THRAP3: variants seen among roughly 807,000 people sequenced by gnomAD.
THRAP3 encodes thyroid hormone receptor-associated protein 3.
A neutral mutation model predicts 101.0 loss-of-function variants in THRAP3; 16 were observed. That is an observed-to-expected ratio of 0.16 (90% CI 0.11 to 0.24). The LOEUF (loss-of-function observed/expected upper bound fraction) is 0.24. Ranked by LOEUF, THRAP3 falls within the 10% of genes least tolerant of loss-of-function variation. The probability of loss-of-function intolerance (pLI) is 1.00; values close to 1 mark genes in which losing one functional copy is unlikely to be tolerated. For synonymous variants in THRAP3, 407 were observed against 422.6 expected, an observed-to-expected ratio of 0.96 and a Z score of 0.45; for missense variants, 989 against 1,202.7, an observed-to-expected ratio of 0.82 and a Z score of 2.63.
chr1:36,287,794 G>A (rs1471428900), intron 4 of THRAP3: 66 of 985,462 alleles, frequency 6.7e-5, no homozygotes, highest in Non-Finnish European at 7.7e-5. Flanking sequence ...GTGGGTGTAT[G>A]TCCCAGTAGA....
chr1:36,277,691 G>C (rs1645678297), intron 2 of THRAP3, among the ~76,000 whole-genome samples: 1 of 151,962 alleles, frequency 6.6e-6, no homozygotes, highest in Non-Finnish European at 1.5e-5. Context: ...ATGGTCAGTT[G>C]GTTTTTGAAA....
the THRAP3 span, among the ~76,000 whole-genome samples, chr1:36,216,268 C>T: frequency 1.3e-5 from 2 of 151,528 alleles, no homozygotes; most frequent in African/African-American, 4.8e-5. Context: ...GCCTGTAATC[C>T]CAACATTTTG....
At chr1:36,240,734 A>T (rs563431551) in intron 1 of THRAP3, among the ~76,000 whole-genome samples, 1 of 150,132 alleles carries the variant, frequency 6.7e-6, no homozygotes, top group South Asian at 2.1e-4. Context: ...CATATTTTGG[A>T]TTTTTTTTTT....
At chr1:36,213,419 G>T in the THRAP3 span, among the ~76,000 whole-genome samples, 1 of 152,144 alleles carries the variant, frequency 6.6e-6, no homozygotes, top group Non-Finnish European at 1.5e-5. Flanking sequence ...CCTAAAACAG[G>T]ATGGTAGAAG....
intron 1 of THRAP3, among the ~76,000 whole-genome samples, chr1:36,229,279 G>A (rs546874794): frequency 4.8e-4 from 73 of 151,882 alleles, no homozygotes; most frequent in African/African-American, 1.7e-3. Flanking sequence ...TGTATTTTTA[G>A]TAGAGACGGG....
At chr1:36,250,007 C>A (rs539394327) in intron 1 of THRAP3, among the ~76,000 whole-genome samples, 2 of 151,920 alleles carry the variant, frequency 1.3e-5, no homozygotes, top group Non-Finnish European at 2.9e-5. Flanking sequence ...TGTTTATAGA[C>A]GAAAGCAATC....
chr1:36,300,854 G>T (rs1363657781), intron 9 of THRAP3, 32 bp from the exon 10 acceptor site: 5 of 1,609,698 alleles, frequency 3.1e-6, no homozygotes, highest in Admixed American at 3.3e-5. Flanking sequence ...TTAGAAAGAT[G>T]ATTGATCACC....
chr1:36,276,428 G>A (rs2124559674), intron 2 of THRAP3, among the ~76,000 whole-genome samples: 1 of 151,860 alleles, frequency 6.6e-6, no homozygotes, highest in East Asian at 1.9e-4. Flanking sequence ...GGAGGCTGAG[G>A]CAGGAGAATG....
intron 2 of THRAP3, among the ~76,000 whole-genome samples, chr1:36,270,270 G>A (rs1645570430): frequency 6.6e-6 from 1 of 152,098 alleles, no homozygotes; most frequent in Admixed American, 6.6e-5. Flanking sequence ...CATGCCGGTA[G>A]TCCCAGCTAC....
At chr1:36,241,385 GTATATATATATA>G (rs1166260923) in intron 1 of THRAP3, among the ~76,000 whole-genome samples, 198 of 8,644 alleles carry the variant, frequency 0.023, 1 homozygote, top group African/African-American at 0.03. Context: ...GATAATGGGT[GTATATATATATA>G]TATATATATA....
chr1:36,249,766 C>G (rs1645276717), intron 1 of THRAP3, among the ~76,000 whole-genome samples: 1 of 146,302 alleles, frequency 6.8e-6, no homozygotes, highest in African/African-American at 2.5e-5. Context: ...GGAGGCTATT[C>G]AAGGCAGTGG....
intron 2 of THRAP3, 120 bp from the exon 3 acceptor site, chr1:36,282,413 G>A: frequency 2.2e-6 from 1 of 455,304 alleles, no homozygotes; most frequent in Non-Finnish European, 3.4e-6. Context: ...TTTTTTTTTT[G>A]TAGATATGGG....
the THRAP3 span, among the ~76,000 whole-genome samples, chr1:36,218,721 C>CA: frequency 9.5e-5 from 14 of 147,566 alleles, no homozygotes; most frequent in East Asian, 2.0e-4. Flanking sequence ...GACTCTGTTT[C>CA]AAAAAAAAAG....
intron 8 of THRAP3, among the ~76,000 whole-genome samples, chr1:36,294,643 CT>C (rs1299719522): frequency 2.0e-5 from 3 of 152,118 alleles, no homozygotes; most frequent in African/African-American, 7.2e-5. Context: ...CTAAAAAATA[CT>C]TGTTTTGTTG....
At chr1:36,302,412 C>CT (rs1646041075) in intron 11 of THRAP3, among the ~76,000 whole-genome samples, 1 of 152,204 alleles carries the variant, frequency 6.6e-6, no homozygotes, top group African/African-American at 2.4e-5. Context: ...GCCACCATCC[C>CT]TTTTCTAGGG....
intron 2 of THRAP3, among the ~76,000 whole-genome samples, chr1:36,277,977 G>A (rs1645682475): frequency 6.6e-6 from 1 of 151,456 alleles, no homozygotes; most frequent in Non-Finnish European, 1.5e-5. Flanking sequence ...TTGCTGGGCT[G>A]GTCTTGAACT....
intron 1 of THRAP3, among the ~76,000 whole-genome samples, chr1:36,229,334 G>C (rs1225555575): frequency 6.6e-6 from 1 of 150,938 alleles, no homozygotes; most frequent in Admixed American, 6.6e-5. Flanking sequence ...CTGACCTCGT[G>C]ATCTGCCCGC....
Position 36,290,580 on chromosome 1 carries a change from C to T in THRAP3, c.1746-794C>T, listed in dbSNP as rs192662216. 1.2e-3 allele frequency among the ~76,000 whole-genome samples: 188 copies of T among 152,314 alleles called. 1 individual carries two copies. The highest frequency in any genetic ancestry group is 4.2e-3 in the African/African-American group (176 of 41,570). ...TCTCAGGTTCAAGCGATTCTCCTGCCTTAGCCTCCCCAGTAGTTGGGATTA... is the reference window on the plus strand; with the variant it reads ...TCTCAGGTTCAAGCGATTCTCCTGCTTTAGCCTCCCCAGTAGTTGGGATTA... On this transcript the variant is annotated intron_variant, in intron 5 of 11. Transcript: ENST00000354618.
intron 1 of THRAP3, among the ~76,000 whole-genome samples, chr1:36,229,806 C>G (rs1645005869): frequency 6.6e-6 from 1 of 151,884 alleles, no homozygotes; most frequent in South Asian, 2.1e-4. Flanking sequence ...GCATGTACCA[C>G]CATGCCCAGC....
Sources: gnomAD v4.1 joint callset for allele counts (sites outside exome capture counted in the v4.1 genomes callset) on GRCh38, gnomAD v4.1.1 for gene constraint, MANE v1.5 for transcripts, NCBI Gene and HGNC (gene_info 2026-07-23, HGNC 2026-07-21) for gene names.